EFCAB11: variants seen among roughly 807,000 people sequenced by gnomAD.
The protein encoded by EFCAB11 is EF-hand calcium-binding domain-containing protein 11.
In EFCAB11, 14 loss-of-function variants were observed where a neutral mutation model predicts 23.0. That is an observed-to-expected ratio of 0.61 (90% CI 0.40 to 0.95). The LOEUF is 0.95. Among genes scored for constraint, EFCAB11 ranks in the 40% least tolerant of loss-of-function variants. The probability of loss-of-function intolerance (pLI) is 0.00; values close to 1 mark genes in which losing one functional copy is unlikely to be tolerated. For synonymous variants in EFCAB11, 65 were observed against 66.6 expected (o/e 0.98, Z 0.11); for missense variants, 198 against 195.8 (o/e 1.01, Z -0.07).
intron 2 of EFCAB11, among the ~76,000 whole-genome samples, chr14:89,951,059 C>G (rs934422046): frequency 1.3e-5 from 2 of 151,550 alleles, no homozygotes; most frequent in African/African-American, 2.4e-5. Context: ...CCCCTCCACC[C>G]AATTTCAGAT....
At chr14:89,803,743 C>T (rs1339142179) in intron 5 of EFCAB11, among the ~76,000 whole-genome samples, 1 of 152,170 alleles carries the variant, frequency 6.6e-6, no homozygotes, top group Non-Finnish European at 1.5e-5. Flanking sequence ...GATGAGAAGA[C>T]CCGCCAATTG....
At chr14:89,827,781 G>A (rs916010007) in intron 5 of EFCAB11, among the ~76,000 whole-genome samples, 4 of 151,920 alleles carry the variant, frequency 2.6e-5, no homozygotes, top group Admixed American at 6.6e-5. Context: ...TTACAGGCAT[G>A]TGCCACCATG....
At chr14:89,869,860 A>C (rs1197044615) in intron 5 of EFCAB11, among the ~76,000 whole-genome samples, 1 of 152,318 alleles carries the variant, frequency 6.6e-6, no homozygotes, top group East Asian at 1.9e-4. Context: ...CTCTCTTCGC[A>C]AGTGTGATAA....
chr14:89,835,121 GA>G (rs2140119775), intron 5 of EFCAB11, among the ~76,000 whole-genome samples: 1 of 152,302 alleles, frequency 6.6e-6, no homozygotes, highest in Admixed American at 6.5e-5. Context: ...GAGTGACAGG[GA>G]AAATGGGGCA....
chr14:89,834,899 GGGCTGGGAGATA>G (rs1887021345), intron 5 of EFCAB11, among the ~76,000 whole-genome samples: 1 of 152,176 alleles, frequency 6.6e-6, no homozygotes, highest in Non-Finnish European at 1.5e-5. Context: ...GATTTGTCTG[GGGCTGGGAGATA>G]GGAGAAATAG....
At chr14:89,816,366 CCAA>C (rs1227462147) in intron 5 of EFCAB11, among the ~76,000 whole-genome samples, 1 of 152,034 alleles carries the variant, frequency 6.6e-6, no homozygotes, top group Non-Finnish European at 1.5e-5. Context: ...TGACAAAGTA[CCAA>C]CATTTCCTTA....
At chr14:89,811,582 C>T (rs775347386) in intron 5 of EFCAB11, among the ~76,000 whole-genome samples, 6 of 152,070 alleles carry the variant, frequency 3.9e-5, no homozygotes, top group South Asian at 2.1e-4. Context: ...CAGGAGAGGG[C>T]GTACAAGAAT....
chr14:89,919,024 G>C (rs564777788), intron 5 of EFCAB11, among the ~76,000 whole-genome samples: 3 of 151,692 alleles, frequency 2.0e-5, no homozygotes, highest in Admixed American at 6.6e-5. Context: ...ACAGAAGACA[G>C]ATTCTGGTAG....
chr14:89,886,612 T>C (rs75379125), intron 5 of EFCAB11, among the ~76,000 whole-genome samples: 13,760 of 151,820 alleles, frequency 0.091, 1,599 homozygotes, highest in African/African-American at 0.27. Flanking sequence ...AGACTGGTTT[T>C]TGATCAAACA....
chr14:89,892,300 C>T lies in EFCAB11; in HGVS notation c.410+39241G>A, dbSNP rs376793003. ...ACTGCAATGTGGACCTGGCCTTTGA[C>T]GCCCTCACTGATGCTATCCAGCAGG... On this transcript the variant is annotated intron_variant, in intron 5 of 5. Transcript: ENST00000316738. The T allele has an allele frequency of 5.2e-4, 845 of 1,613,798 alleles. 14 individuals carry two copies. In the South Asian group the frequency reaches 7.3e-3, roughly 14 times the overall value.
At chr14:89,903,978 T>C (rs1889414573) in intron 5 of EFCAB11, among the ~76,000 whole-genome samples, 1 of 144,634 alleles carries the variant, frequency 6.9e-6, no homozygotes, top group Admixed American at 6.7e-5. Flanking sequence ...AACATATCTG[T>C]TTTTTTAATT....
In EFCAB11 at chr14:89,818,611, A is replaced by G. The variant is rs77512083; in HGVS notation, c.411-21287T>C. Among the ~76,000 whole-genome samples, 147 of 152,378 alleles carry G rather than the reference A, an allele frequency of 9.6e-4. 6 individuals are homozygous for G. The East Asian group carries it at 0.018, about 19-fold the overall frequency. ...AGGTAAGGCAATGAACAGACAAGCT[A>G]CAGCCTAGAAGAAAAATCTTTGCAA... On this transcript the variant is annotated intron_variant, in intron 5 of 5. Coordinates refer to ENST00000316738, the MANE Select transcript of EFCAB11 (RefSeq NM_145231.4).
At chr14:89,805,601 T>C (rs954353646) in intron 5 of EFCAB11, among the ~76,000 whole-genome samples, 3 of 152,216 alleles carry the variant, frequency 2.0e-5, no homozygotes, top group Non-Finnish European at 2.9e-5. Flanking sequence ...TTTTAAGTGT[T>C]AATTACCAGC....
intron 5 of EFCAB11, among the ~76,000 whole-genome samples, chr14:89,916,522 G>C (rs976940445): frequency 6.6e-6 from 1 of 152,208 alleles, no homozygotes; most frequent in Non-Finnish European, 1.5e-5. Flanking sequence ...TGAAAGCCTA[G>C]TAAAGAAGAC....
intron 5 of EFCAB11, among the ~76,000 whole-genome samples, chr14:89,808,365 G>C (rs2210189): frequency 0.81 from 123,251 of 152,120 alleles, 50,559 homozygotes; most frequent in Middle Eastern, 0.88. Flanking sequence ...GTAATTTACT[G>C]TATAGATCTT....
At position 89,824,278 on chromosome 14, in the gene EFCAB11, G is replaced by A. The variant is rs147054277; in HGVS notation, c.411-26954C>T. Among the ~76,000 whole-genome samples, 34 of 152,224 alleles carry A rather than the reference G, an allele frequency of 2.2e-4. No homozygotes were observed. The East Asian group carries it at 6.6e-3, about 29-fold the overall frequency. On this transcript the variant is annotated intron_variant, in intron 5 of 5. Transcript: ENST00000316738. Reference sequence around the variant, plus strand: ...CCAGTTAGAATTACAATGTTAAAGTGTGGAAATATATATATTTCAAAACAA... The same window carrying A: ...CCAGTTAGAATTACAATGTTAAAGTATGGAAATATATATATTTCAAAACAA...
chr14:89,944,158 C>T (rs1890885949), intron 3 of EFCAB11, among the ~76,000 whole-genome samples: 1 of 152,234 alleles, frequency 6.6e-6, no homozygotes, highest in South Asian at 2.1e-4. Context: ...GTTTAATGGA[C>T]TTACAGTTCC....
chr14:89,885,116 C>G (rs1258830096), intron 5 of EFCAB11, among the ~76,000 whole-genome samples: 2 of 152,048 alleles, frequency 1.3e-5, no homozygotes, highest in African/African-American at 4.8e-5. Context: ...GGTGTAAGAC[C>G]AGCATATAAA....
chr14:89,935,404 T>G lies in EFCAB11; in HGVS notation c.218-2777A>C, dbSNP rs570247871. 2.0e-5 allele frequency among the ~76,000 whole-genome samples: 3 copies of G among 151,560 alleles called. No homozygotes were observed. In the East Asian group the frequency reaches 5.8e-4, roughly 29 times the overall value. On this transcript the variant is annotated intron_variant, in intron 3 of 5. Coordinates refer to ENST00000316738, the MANE Select transcript of EFCAB11 (RefSeq NM_145231.4). ...GCATTAAAATGCATGTGGGTTTTTT[T>G]TTTTTTTTTTTCCTAGAGACAGGGT...
Sources: allele counts gnomAD v4.1 joint callset (sites outside exome capture counted in the v4.1 genomes callset), GRCh38; gene constraint gnomAD v4.1.1; transcripts MANE v1.5; gene names NCBI Gene and HGNC (gene_info 2026-07-23, HGNC 2026-07-21).